Variants in PCDHGA1 observed in about 807,000 individuals in gnomAD.
PCDHGA1 encodes protocadherin gamma subfamily A, 1, also known as protocadherin gamma-A1.
PCDHGA1 carries 32 observed loss-of-function variants against 58.0 expected under a neutral mutation model. That is an observed-to-expected ratio of 0.55 (90% CI 0.42 to 0.74). The LOEUF (loss-of-function observed/expected upper bound fraction) is 0.74, where lower values mean the gene tolerates loss of function less well. PCDHGA1 is among the 30% of genes least tolerant of loss of function. PCDHGA1 has a pLI of 0.00. For missense variants in PCDHGA1, 1,205 were observed against 1,182.3 expected, an observed-to-expected ratio of 1.02 and a Z score of -0.28; for synonymous variants, 498 against 501.1, an observed-to-expected ratio of 0.99 and a Z score of 0.08.
At chr5:141,483,179 G>C (rs2099577971) in intron 1 of PCDHGA1, among the ~76,000 whole-genome samples, 2 of 152,294 alleles carry the variant, frequency 1.3e-5, no homozygotes, top group African/African-American at 4.8e-5. Flanking sequence ...TTTGGGCCAA[G>C]CCAAGGAGTT....
intron 1 of PCDHGA1, chr5:141,341,127 G>C: frequency 6.2e-7 from 1 of 1,614,218 alleles, no homozygotes; most frequent in African/African-American, 1.3e-5. Flanking sequence ...CTGCGGCGCT[G>C]GCACAAGTCA....
intron 1 of PCDHGA1, chr5:141,350,631 A>G (rs1199148713): frequency 1.9e-6 from 3 of 1,613,932 alleles, no homozygotes; most frequent in Non-Finnish European, 2.5e-6. Flanking sequence ...CAAGATATTA[A>G]TGACAATGCA....
At chr5:141,502,946 C>T (rs900624216) in intron 2 of PCDHGA1, among the ~76,000 whole-genome samples, 13 of 145,572 alleles carry the variant, frequency 8.9e-5, no homozygotes, top group African/African-American at 2.6e-4. Flanking sequence ...TGGGTTCAAG[C>T]GATTCTCCTG....
intron 1 of PCDHGA1, chr5:141,342,541 A>T (rs1473521237): frequency 6.6e-6 from 1 of 152,250 alleles, no homozygotes; most frequent in Non-Finnish European, 1.5e-5. Flanking sequence ...GCATTTGATC[A>T]AGAAAAAATT....
chr5:141,362,693 A>C, intron 1 of PCDHGA1: 1 of 1,100,328 alleles, frequency 9.1e-7, no homozygotes, highest in South Asian at 1.7e-5. Flanking sequence ...ATCTTATCTA[A>C]CTGAATTTTA....
At chr5:141,471,590 T>C (rs2099260583) in intron 1 of PCDHGA1, 1 of 152,120 alleles carries the variant, frequency 6.6e-6, no homozygotes. Flanking sequence ...AAGTAATTGA[T>C]AGTTTCAAAA....
intron 1 of PCDHGA1, chr5:141,340,577 G>T (rs199852408): frequency 3.8e-4 from 610 of 1,614,110 alleles, no homozygotes; most frequent in Admixed American, 6.3e-4. Context: ...GATAGCGCGG[G>T]ACAGCGGGAA....
intron 1 of PCDHGA1, chr5:141,376,110 G>A (rs772810239): frequency 3.7e-6 from 6 of 1,613,762 alleles, no homozygotes; most frequent in Non-Finnish European, 4.2e-6. Flanking sequence ...GCCGACCTGG[G>A]CAGCCTCGAG....
chr5:141,376,427 C>T (rs1772674192), intron 1 of PCDHGA1: 1 of 1,614,104 alleles, frequency 6.2e-7, no homozygotes, highest in Non-Finnish European at 8.5e-7. Context: ...GCTTATCAAC[C>T]AGGAGAGCTA....
In PCDHGA1 at chr5:141,477,670, A is replaced by G; in HGVS notation, c.2422-17137A>G. 1 of 1,614,198 alleles carries G rather than the reference A, an allele frequency of 6.2e-7. No individual in the cohort carries two copies. The highest frequency in any genetic ancestry group is 1.7e-5 in the Admixed American group (1 of 60,028). ...TCACAATAAATCGTGACAATGGCAT[A>G]GTGTCATCCTTAGTGCCCCTAGACT... On this transcript the variant is annotated intron_variant, in intron 1 of 3. Coordinates refer to ENST00000517417, the MANE Select transcript of PCDHGA1 (RefSeq NM_018912.3). This position sits in a 1 kb window ranked among gnomAD's most constrained non-coding sequence, Gnocchi z 4.9.
chr5:141,384,547 C>T (rs1780195966), intron 1 of PCDHGA1: 15 of 1,614,252 alleles, frequency 9.3e-6, no homozygotes, highest in Non-Finnish European at 1.3e-5. Flanking sequence ...GTCACTGAGC[C>T]TGTTCGTGCT....
chr5:141,380,499 A>G (rs1185808520), intron 1 of PCDHGA1, among the ~76,000 whole-genome samples: 4 of 152,330 alleles, frequency 2.6e-5, no homozygotes, highest in East Asian at 1.9e-4. Flanking sequence ...GTCAACAATA[A>G]TATACACTCT....
chr5:141,338,436 A>T (rs1047391832), intron 1 of PCDHGA1, among the ~76,000 whole-genome samples: 1 of 152,250 alleles, frequency 6.6e-6, no homozygotes, highest in African/African-American at 2.4e-5. Context: ...TTCTGATTAT[A>T]CAATAAGAGA....
intron 1 of PCDHGA1, chr5:141,372,263 G>T (rs373583904): frequency 2.5e-6 from 4 of 1,613,110 alleles, no homozygotes; most frequent in African/African-American, 1.3e-5. Flanking sequence ...GCCTGCGCAC[G>T]GGTGAGGTGC....
chr5:141,339,165 G>C (rs868424998), intron 1 of PCDHGA1: 3 of 1,614,098 alleles, frequency 1.9e-6, no homozygotes, highest in Non-Finnish European at 2.5e-6. Flanking sequence ...CAGGGAGTCC[G>C]CATCGTCTCC....
chr5:141,393,894 C>G lies in PCDHGA1; in HGVS notation c.2421+60789C>G, dbSNP rs201697840. 1.3e-3 allele frequency: 2,063 copies of G among 1,614,000 alleles called. 4 individuals are homozygous for G. Among genetic ancestry groups the G allele is most frequent in the Non-Finnish European group, 1.6e-3 (1,902 of 1,179,890 alleles). On this transcript the variant is annotated intron_variant, in intron 1 of 3. Transcript: ENST00000517417. ...GTTTAGCCCAGTGTTAGAAAATTCT[C>G]TTCCCGGGACAGTAATTGCCTTCTT...
intron 1 of PCDHGA1, chr5:141,354,991 A>T: frequency 1.6e-6 from 1 of 634,544 alleles, no homozygotes; most frequent in Non-Finnish European, 2.4e-6. Flanking sequence ...TTCACCAATC[A>T]GGGGGAAAAG....
intron 1 of PCDHGA1, among the ~76,000 whole-genome samples, chr5:141,368,538 C>T (rs1004071983): frequency 6.6e-6 from 1 of 151,336 alleles, no homozygotes; most frequent in Admixed American, 6.6e-5. Context: ...ACTTGCTTTT[C>T]CATTTTTTTT....
rs761704779 is a variant in PCDHGA1 at position 141,486,764 on chromosome 5, C to T, written c.2422-8043C>T. ...CTTTGACTATGAGCAAACCCAGACA[C>T]TGCAGTTTGAGGTGCAGGCCCGGGA... On this transcript the variant is annotated intron_variant, in intron 1 of 3. Transcript: ENST00000517417. This position sits in a 1 kb window ranked among gnomAD's most constrained non-coding sequence, Gnocchi z 5.0. 6.2e-7 allele frequency: 1 copy of T among 1,614,264 alleles called. No homozygotes were observed. The highest frequency in any genetic ancestry group is 2.2e-5 in the East Asian group (1 of 44,880).
Sources: allele counts gnomAD v4.1 joint callset (sites outside exome capture counted in the v4.1 genomes callset), GRCh38; gene constraint gnomAD v4.1.1; non-coding constraint Gnocchi (gnomAD v3.1); transcripts MANE v1.5; gene names NCBI Gene and HGNC (gene_info 2026-07-23, HGNC 2026-07-21).